Variants in XKR9 observed in about 807,000 individuals in gnomAD.
XKR9 encodes the protein XK related 9.
In XKR9, 32 loss-of-function variants were observed where a neutral mutation model predicts 32.0. The observed-to-expected ratio is 1.00, with a 90% CI of 0.76 to 1.34. The LOEUF (loss-of-function observed/expected upper bound fraction) is 1.34. Among genes scored for constraint, XKR9 ranks in the 40% most tolerant of loss-of-function variants. The probability of loss-of-function intolerance (pLI) is 0.00; values close to 1 mark genes in which losing one functional copy is unlikely to be tolerated. For missense variants in XKR9, 546 were observed against 429.7 expected (o/e 1.27, Z -2.39); for synonymous variants, 168 against 143.4 (o/e 1.17, Z -1.22).
chr8:70,745,385 T>C (rs1563465583), intron 2 of XKR9, among the ~76,000 whole-genome samples: 3 of 152,348 alleles, frequency 2.0e-5, no homozygotes, highest in Admixed American at 6.5e-5. Flanking sequence ...AAAATAATTA[T>C]GAGCAATACT....
the XKR9 span, among the ~76,000 whole-genome samples, chr8:70,941,755 C>T: frequency 6.6e-6 from 1 of 152,054 alleles, no homozygotes; most frequent in African/African-American, 2.4e-5. Flanking sequence ...TTAATGTTTT[C>T]CATCTTTCTA....
chr8:71,033,560 C>T, the XKR9 span, among the ~76,000 whole-genome samples: 116 of 152,070 alleles, frequency 7.6e-4, no homozygotes, highest in African/African-American at 1.2e-3. Flanking sequence ...GGCTTAGTTG[C>T]GGGGTGTTTG....
chr8:70,798,178 T>C, the XKR9 span, among the ~76,000 whole-genome samples: 6 of 152,066 alleles, frequency 3.9e-5, no homozygotes, highest in African/African-American at 1.4e-4. Context: ...CAGCAGTGTA[T>C]AAGTGTTCCT....
the XKR9 span, among the ~76,000 whole-genome samples, chr8:70,909,166 T>C: frequency 6.6e-6 from 1 of 152,192 alleles, no homozygotes; most frequent in African/African-American, 2.4e-5. Context: ...TACCTTGCTT[T>C]AAACCTTCCA....
chr8:70,768,116 T>C (rs921029177), intron 2 of XKR9, among the ~76,000 whole-genome samples: 2 of 152,220 alleles, frequency 1.3e-5, no homozygotes, highest in African/African-American at 2.4e-5. Flanking sequence ...TTCTGGTATA[T>C]TGTTTCTTTG....
At chr8:70,702,538 G>A (rs1805575514) in intron 3 of XKR9, among the ~76,000 whole-genome samples, 1 of 152,092 alleles carries the variant, frequency 6.6e-6, no homozygotes, top group Admixed American at 6.5e-5. Context: ...CCTCAACTGA[G>A]AATGCGGATT....
chr8:70,847,460 G>T, the XKR9 span, among the ~76,000 whole-genome samples: 1 of 151,408 alleles, frequency 6.6e-6, no homozygotes, highest in Non-Finnish European at 1.5e-5. Context: ...TCCCAAATAA[G>T]AAGGAAAGAA....
the XKR9 span, among the ~76,000 whole-genome samples, chr8:70,972,702 C>G: frequency 3.3e-5 from 5 of 152,164 alleles, no homozygotes; most frequent in African/African-American, 1.2e-4. Context: ...AATGCTTTTT[C>G]TGTGTCTGTT....
the XKR9 span, among the ~76,000 whole-genome samples, chr8:70,904,794 G>T: frequency 2.0e-5 from 3 of 152,138 alleles, no homozygotes; most frequent in Non-Finnish European, 4.4e-5. Flanking sequence ...CTTCCTTTGG[G>T]AGCTCTTCTA....
At chr8:70,881,285 A>G in the XKR9 span, among the ~76,000 whole-genome samples, 1 of 152,194 alleles carries the variant, frequency 6.6e-6, no homozygotes, top group Non-Finnish European at 1.5e-5. Context: ...TAATTAAACT[A>G]AAGAGCTTCT....
chr8:70,967,144 G>T, the XKR9 span, among the ~76,000 whole-genome samples: 4 of 147,360 alleles, frequency 2.7e-5, no homozygotes, highest in Non-Finnish European at 5.9e-5. Context: ...CTCACTGCAA[G>T]CTCCACCTCC....
chr8:70,685,252 A>G (rs1244305032), intron 3 of XKR9, among the ~76,000 whole-genome samples: 1 of 149,342 alleles, frequency 6.7e-6, no homozygotes, highest in Non-Finnish European at 1.5e-5. Context: ...AGAACAAAAA[A>G]CCAAACACCG....
At chr8:71,055,636 G>A in the XKR9 span, among the ~76,000 whole-genome samples, 4 of 152,138 alleles carry the variant, frequency 2.6e-5, no homozygotes, top group African/African-American at 9.7e-5. Flanking sequence ...CAGTAATATG[G>A]TGATTGAACA....
the XKR9 span, among the ~76,000 whole-genome samples, chr8:71,015,329 A>G: frequency 1.3e-5 from 2 of 152,170 alleles, no homozygotes; most frequent in African/African-American, 4.8e-5. Context: ...AGGAACTTAT[A>G]TCAGTTTCCC....
chr8:70,895,349 G>A, the XKR9 span, among the ~76,000 whole-genome samples: 3 of 152,044 alleles, frequency 2.0e-5, no homozygotes, highest in Admixed American at 6.6e-5. Flanking sequence ...TGAAAATATC[G>A]CTGTTTATTC....
At chr8:70,887,498 C>T in the XKR9 span, among the ~76,000 whole-genome samples, 1 of 151,970 alleles carries the variant, frequency 6.6e-6, no homozygotes, top group African/African-American at 2.4e-5. Flanking sequence ...AGCATTGAAT[C>T]TATATACTAC....
At chr8:71,024,923 CAG>C in the XKR9 span, among the ~76,000 whole-genome samples, 1 of 152,202 alleles carries the variant, frequency 6.6e-6, no homozygotes, top group East Asian at 1.9e-4. Context: ...GTGGAGGAGA[CAG>C]AGTCCAGTGC....
chr8:70,915,619 T>C, the XKR9 span, among the ~76,000 whole-genome samples: 1 of 152,188 alleles, frequency 6.6e-6, no homozygotes, highest in Non-Finnish European at 1.5e-5. Flanking sequence ...TAATCTACAC[T>C]CTATCTAGAA....
chr8:70,729,647 G>C lies in XKR9; in HGVS notation c.494-4149G>C, dbSNP rs551714941. On this transcript the variant is annotated intron_variant, in intron 4 of 4. Coordinates refer to ENST00000408926, the MANE Select transcript of XKR9 (RefSeq NM_001011720.2). ...ACAAAAAAATCTTAGGGCAGCCATA[G>C]TTAAAGACACAATTGACAAGAAAAT... Among the ~76,000 whole-genome samples the C allele has an allele frequency of 2.9e-3, 444 of 152,222 alleles. 6 individuals are homozygous for C. The highest frequency in any genetic ancestry group is 1.0e-2 in the African/African-American group (415 of 41,550).
Sources: gnomAD v4.1 joint callset for allele counts (sites outside exome capture counted in the v4.1 genomes callset) on GRCh38, gnomAD v4.1.1 for gene constraint, MANE v1.5 for transcripts, NCBI Gene and HGNC (gene_info 2026-07-23, HGNC 2026-07-21) for gene names.